SLC4A4: variants seen among roughly 807,000 people sequenced by gnomAD.
The protein encoded by SLC4A4 is electrogenic sodium bicarbonate cotransporter 1.
A neutral mutation model predicts 111.5 loss-of-function variants in SLC4A4; 27 were observed. That is an observed-to-expected ratio of 0.24 (90% CI 0.18 to 0.33). SLC4A4 has a LOEUF of 0.33. SLC4A4 is among the 10% of genes least tolerant of loss of function. The pLI, the probability that SLC4A4 is intolerant of heterozygous loss-of-function variation, is 1.00. For missense variants in SLC4A4, 909 were observed against 1,315.5 expected (o/e 0.69, Z 4.78); for synonymous variants, 443 against 463.4 (o/e 0.96, Z 0.57).
intron 3 of SLC4A4, among the ~76,000 whole-genome samples, chr4:71,262,838 C>G (rs1721963148): frequency 6.6e-6 from 1 of 151,102 alleles, no homozygotes; most frequent in South Asian, 2.1e-4. Context: ...GAAAAATGAC[C>G]TTGTTTTGTG....
chr4:71,094,878 T>C (rs1742497359), intron 2 of SLC4A4, among the ~76,000 whole-genome samples: 1 of 152,190 alleles, frequency 6.6e-6, no homozygotes, highest in Non-Finnish European at 1.5e-5. Context: ...GGGGAGTCTG[T>C]TGATTTTTGT....
intron 2 of SLC4A4, among the ~76,000 whole-genome samples, chr4:71,148,499 A>G (rs148277304): frequency 5.4e-4 from 82 of 152,262 alleles, no homozygotes; most frequent in African/African-American, 1.9e-3. Flanking sequence ...TCACCCGGGT[A>G]TTAAGCCTAG....
chr4:71,375,064 C>G (rs2148939103), intron 6 of SLC4A4, among the ~76,000 whole-genome samples: 1 of 152,302 alleles, frequency 6.6e-6, no homozygotes, highest in South Asian at 2.1e-4. Flanking sequence ...AGTCTCCTTT[C>G]CAGTCTGACT....
upstream of SLC4A4, among the ~76,000 whole-genome samples, chr4:71,182,771 G>T (rs1434791329): frequency 6.6e-6 from 1 of 151,894 alleles, no homozygotes; most frequent in Non-Finnish European, 1.5e-5. Context: ...GAGTCCAAGG[G>T]CCCCAAGAGT....
At chr4:71,314,992 G>A (rs956239479) in intron 3 of SLC4A4, among the ~76,000 whole-genome samples, 1 of 152,106 alleles carries the variant, frequency 6.6e-6, no homozygotes, top group African/African-American at 2.4e-5. Flanking sequence ...AGACTGCAGT[G>A]CGTACTCATA....
At chr4:71,432,502 C>G (rs1723732141) in intron 7 of SLC4A4, among the ~76,000 whole-genome samples, 1 of 152,034 alleles carries the variant, frequency 6.6e-6, no homozygotes, top group Non-Finnish European at 1.5e-5. Context: ...CTTTTCATAT[C>G]TGTAAGATGT....
chr4:71,190,055 T>C (rs76017366), intron 1 of SLC4A4, among the ~76,000 whole-genome samples: 10,891 of 152,220 alleles, frequency 0.072, 1,289 homozygotes, highest in African/African-American at 0.25. Context: ...TATGTATTTT[T>C]AGGGAGTCAT....
chr4:71,409,551 G>A (rs1441786461), intron 7 of SLC4A4, among the ~76,000 whole-genome samples: 1 of 152,194 alleles, frequency 6.6e-6, no homozygotes, highest in African/African-American at 2.4e-5. Context: ...AAGCAGCAAA[G>A]CATTCAAAAG....
rs1378771071 is a variant in SLC4A4 at position 71,570,373 on chromosome 4, G to A, written c.*2622G>A. On this transcript the variant is annotated 3_prime_UTR_variant, in exon 26 of 26. Coordinates refer to ENST00000264485, the MANE Select transcript of SLC4A4 (RefSeq NM_001098484.3). ...ATATCAAATCCTTTCAATATTCTGG[G>A]AACCCAGGGAAGTTTTTAAAAATGT... The A allele has an allele frequency of 1.3e-5, 2 of 152,254 alleles. No individual in the cohort carries two copies. The highest frequency in any genetic ancestry group is 2.4e-5 in the African/African-American group (1 of 41,478). The allele number at this position is 152,254 out of a possible 1,614,324, so 9.4% of individuals were successfully genotyped here.
At chr4:71,399,956 C>T (rs1720208884) in intron 7 of SLC4A4, among the ~76,000 whole-genome samples, 1 of 152,084 alleles carries the variant, frequency 6.6e-6, no homozygotes, top group Admixed American at 6.6e-5. Context: ...AGATACATAC[C>T]TGTAGTGGAA....
chr4:71,540,685 T>C (rs191598015), intron 18 of SLC4A4, among the ~76,000 whole-genome samples: 364 of 152,160 alleles, frequency 2.4e-3, no homozygotes, highest in Non-Finnish European at 3.6e-3. Context: ...AAGGTTGGAA[T>C]TGACCATGCC....
rs963228438 is a variant in SLC4A4 at position 71,289,910 on chromosome 4, G to A, written c.253+34511G>A. ...GTAGGAAAATGCCATCGATTCTTGA[G>A]TATATGCAATGTGCTGAAAATGACA... On this transcript the variant is annotated intron_variant, in intron 3 of 25. Transcript: ENST00000264485. Among the ~76,000 whole-genome samples the A allele has an allele frequency of 3.9e-5, 6 of 152,216 alleles. No homozygotes were observed. In the East Asian group the frequency reaches 1.2e-3, roughly 29 times the overall value.
intron 1 of SLC4A4, among the ~76,000 whole-genome samples, chr4:71,065,872 T>A (rs1054345768): frequency 6.6e-6 from 1 of 152,174 alleles, no homozygotes; most frequent in African/African-American, 2.4e-5. Flanking sequence ...AAAGTAACTG[T>A]GGTTTTTAAT....
Position 71,397,560 on chromosome 4 carries a change from T to C in SLC4A4, c.731-17T>C. The C allele has an allele frequency of 2.5e-6, 4 of 1,609,064 alleles. No individual in the cohort carries two copies. In the South Asian group the frequency reaches 3.3e-5, roughly 13 times the overall value. ...TGAAAAGAAGTCTTTAATTAGAGTTTACTTGTGTTTTTCCAGGTAGCCCAG... is the reference window on the plus strand; with the variant it reads ...TGAAAAGAAGTCTTTAATTAGAGTTCACTTGTGTTTTTCCAGGTAGCCCAG... On this transcript the variant is annotated splice_polypyrimidine_tract_variant and intron_variant, in intron 6 of 25. Transcript: ENST00000264485.
chr4:71,190,294 T>C (rs1745667444), intron 1 of SLC4A4, among the ~76,000 whole-genome samples: 1 of 152,094 alleles, frequency 6.6e-6, no homozygotes, highest in African/African-American at 2.4e-5. Context: ...GACATGAAGA[T>C]GATCTTTTTA....
chr4:71,116,556 T>C (rs1398168270), intron 2 of SLC4A4, among the ~76,000 whole-genome samples: 1 of 152,086 alleles, frequency 6.6e-6, no homozygotes, highest in African/African-American at 2.4e-5. Context: ...GGAGAAAAAA[T>C]AGAGATCAGA....
intron 7 of SLC4A4, among the ~76,000 whole-genome samples, chr4:71,420,509 A>T (rs1288178197): frequency 3.9e-5 from 6 of 152,222 alleles, no homozygotes; most frequent in African/African-American, 1.2e-4. Context: ...CTCCTCGAGA[A>T]GAGCAACTCC....
intron 3 of SLC4A4, among the ~76,000 whole-genome samples, chr4:71,328,198 A>G (rs952910725): frequency 5.9e-5 from 9 of 152,074 alleles, no homozygotes; most frequent in South Asian, 2.1e-4. Flanking sequence ...TTGTGTGTAT[A>G]TATCACATTT....
At chr4:71,141,491 T>C (rs1211545999) in intron 2 of SLC4A4, among the ~76,000 whole-genome samples, 2 of 152,162 alleles carry the variant, frequency 1.3e-5, no homozygotes, top group East Asian at 3.9e-4. Context: ...TTTGGGCATG[T>C]TCTTCTCTTG....
Sources: gnomAD v4.1 joint callset for allele counts (sites outside exome capture counted in the v4.1 genomes callset) on GRCh38, gnomAD v4.1.1 for gene constraint, MANE v1.5 for transcripts, NCBI Gene and HGNC (gene_info 2026-07-23, HGNC 2026-07-21) for gene names.